Variants in INPP5F observed in about 807,000 individuals in gnomAD.
The protein encoded by INPP5F is inositol polyphosphate-5-phosphatase F, also known as phosphatidylinositide 4-phosphatase SAC2.
A neutral mutation model predicts 137.2 loss-of-function variants in INPP5F; 97 were observed. The observed-to-expected ratio is 0.71, with a 90% CI of 0.60 to 0.84. The LOEUF (loss-of-function observed/expected upper bound fraction) is 0.84, where lower values mean the gene tolerates loss of function less well. INPP5F is among the 40% of genes least tolerant of loss of function. The probability of loss-of-function intolerance (pLI) is 0.00; values close to 1 mark genes in which losing one functional copy is unlikely to be tolerated. For missense variants in INPP5F, 1,271 were observed against 1,371.9 expected (o/e 0.93, Z 1.16); for synonymous variants, 504 against 476.9 (o/e 1.06, Z -0.74).
chr10:119,787,928 G>T lies in INPP5F; in HGVS notation c.316-3589G>T, dbSNP rs775754710. On this transcript the variant is annotated intron_variant, in intron 3 of 19. Coordinates refer to ENST00000650623, the MANE Select transcript of INPP5F (RefSeq NM_014937.4). The surrounding 1 kb of genome is among the most constrained non-coding windows in gnomAD (Gnocchi z 4.1). The stretch of plus-strand genomic sequence containing the variant: ...CTGTTAGAGTGTCTGCACTGAGTTG[G>T]ATAATCCTGCATAGAACATCTCCTG... Among the ~76,000 whole-genome samples the T allele has an allele frequency of 5.3e-5, 8 of 152,144 alleles. No homozygotes were observed. Among genetic ancestry groups the T allele is most frequent in the Non-Finnish European group, 1.0e-4 (7 of 68,026 alleles).
At chr10:119,742,725 G>T (rs1848411981) in intron 1 of INPP5F, among the ~76,000 whole-genome samples, 1 of 152,190 alleles carries the variant, frequency 6.6e-6, no homozygotes. Context: ...TGGTGCGGTA[G>T]CTCACGCCTG....
At chr10:119,825,113 G>A (rs930693455) in intron 19 of INPP5F, among the ~76,000 whole-genome samples, 11 of 152,126 alleles carry the variant, frequency 7.2e-5, no homozygotes, top group East Asian at 1.9e-4. Context: ...ACTGAATAAC[G>A]CACTCAGACC....
chr10:119,739,551 T>C (rs1042329646), intron 1 of INPP5F, among the ~76,000 whole-genome samples: 1 of 152,192 alleles, frequency 6.6e-6, no homozygotes, highest in African/African-American at 2.4e-5. Flanking sequence ...GGACTGCAGG[T>C]ATGTAGTGGT....
chr10:119,812,056 G>A, intron 15 of INPP5F, 101 bp downstream of exon 15: 2 of 894,992 alleles, frequency 2.2e-6, no homozygotes, highest in South Asian at 1.5e-5. Context: ...GGGCATGGAT[G>A]CATGGCGCGT....
intron 1 of INPP5F, among the ~76,000 whole-genome samples, chr10:119,729,182 G>A (rs1847978814): frequency 6.6e-6 from 1 of 152,132 alleles, no homozygotes; most frequent in South Asian, 2.1e-4. Flanking sequence ...GTCTTGCTCT[G>A]TTGCCCAGGC....
intron 15 of INPP5F, among the ~76,000 whole-genome samples, chr10:119,813,434 T>G (rs566283456): frequency 6.6e-6 from 1 of 152,000 alleles, no homozygotes; most frequent in African/African-American, 2.4e-5. Context: ...ATCATTTGAG[T>G]CCAGGAGTTT....
At chr10:119,757,718 G>A (rs1848890216) in intron 2 of INPP5F, among the ~76,000 whole-genome samples, 1 of 152,108 alleles carries the variant, frequency 6.6e-6, no homozygotes, top group South Asian at 2.1e-4. Context: ...TTGAACCCGG[G>A]AGGTGGATGC....
intron 3 of INPP5F, among the ~76,000 whole-genome samples, chr10:119,785,379 G>A (rs1422363303): frequency 6.9e-6 from 1 of 145,850 alleles, no homozygotes; most frequent in African/African-American, 2.5e-5. Context: ...TCCGCCTCCC[G>A]GGTTCAAACG....
At chr10:119,759,878 C>T (rs1036501375) in intron 2 of INPP5F, among the ~76,000 whole-genome samples, 1 of 152,110 alleles carries the variant, frequency 6.6e-6, no homozygotes, top group Non-Finnish European at 1.5e-5. Context: ...CTGAGTGCTT[C>T]GTCCTTCTCT....
intron 1 of INPP5F, among the ~76,000 whole-genome samples, chr10:119,738,173 A>G (rs1848269170): frequency 6.6e-6 from 1 of 152,254 alleles, no homozygotes; most frequent in Non-Finnish European, 1.5e-5. Context: ...AGCTTATTGC[A>G]AATACTTATG....
At chr10:119,781,550 A>G (rs970493286) in intron 2 of INPP5F, 85 bp from the exon 3 acceptor site, 10 of 1,162,132 alleles carry the variant, frequency 8.6e-6, no homozygotes, top group Non-Finnish European at 1.2e-5. Context: ...TTTTTTTGTT[A>G]TCATTGTTAG....
In INPP5F at chr10:119,827,233, G is replaced by A. The variant is rs762146654; in HGVS notation, c.2852G>A (p.Gly951Asp). 30 of 1,613,946 alleles carry A rather than the reference G, an allele frequency of 1.9e-5. No homozygotes were observed. The highest frequency in any genetic ancestry group is 2.4e-5 in the Non-Finnish European group (28 of 1,180,028). ...GCTGGCGACGTACACATATTGACTG[G>A]CTTTGCCAAGCCTATGGATATTTAC... ...PSAGDVHILTGFAKPMDIYCH... is the reference protein window; with the variant it reads ...PSAGDVHILTDFAKPMDIYCH... The change falls in exon 20 of 20, where the codon GGC becomes GAC. Residue 951 changes from glycine (G) to aspartate (D), a missense_variant. Transcript: ENST00000650623.
At chr10:119,727,653 G>A (rs1222995518) in intron 1 of INPP5F, among the ~76,000 whole-genome samples, 1 of 152,168 alleles carries the variant, frequency 6.6e-6, no homozygotes, top group East Asian at 1.9e-4. Context: ...TTTTCCTCAG[G>A]CTCTGTCTAT....
Position 119,787,810 on chromosome 10 carries a change from A to G in INPP5F, c.316-3707A>G, listed in dbSNP as rs1264724684. On this transcript the variant is annotated intron_variant, in intron 3 of 19. Transcript: ENST00000650623. This position sits in a 1 kb window ranked among gnomAD's most constrained non-coding sequence, Gnocchi z 4.1. ...ATTTGGCCCCTACACAGTAAAGAGGACTAACAGGGCTTCATGGGAGATGGG... is the reference window on the plus strand; with the variant it reads ...ATTTGGCCCCTACACAGTAAAGAGGGCTAACAGGGCTTCATGGGAGATGGG... Among the ~76,000 whole-genome samples, 1 of 152,114 alleles carries G rather than the reference A, an allele frequency of 6.6e-6. No individual in the cohort carries two copies. Among genetic ancestry groups the G allele is most frequent in the Non-Finnish European group, 1.5e-5 (1 of 68,020 alleles).
chr10:119,826,164 T>G (rs903100422), intron 19 of INPP5F: 2 of 396,658 alleles, frequency 5.0e-6, no homozygotes, highest in Non-Finnish European at 8.9e-6. Context: ...CTTTGCTGAT[T>G]GTACAGATGG....
intron 2 of INPP5F, among the ~76,000 whole-genome samples, chr10:119,776,982 C>T (rs1406781424): frequency 6.6e-6 from 1 of 152,084 alleles, no homozygotes; most frequent in Non-Finnish European, 1.5e-5. Flanking sequence ...AACTTCTGGG[C>T]TTAAGCGATC....
At chr10:119,726,936 A>G (rs1847912899) in intron 1 of INPP5F, among the ~76,000 whole-genome samples, 2 of 149,636 alleles carry the variant, frequency 1.3e-5, no homozygotes, top group African/African-American at 4.8e-5. Context: ...GCACAATTAA[A>G]TTGTATTGTA....
intron 1 of INPP5F, among the ~76,000 whole-genome samples, chr10:119,729,603 G>T (rs1003933201): frequency 1.3e-5 from 2 of 149,604 alleles, no homozygotes; most frequent in African/African-American, 2.5e-5. Flanking sequence ...CTGAGACAGG[G>T]TCTTGCTCTG....
intron 3 of INPP5F, among the ~76,000 whole-genome samples, chr10:119,785,331 GC>G (rs1257118531): frequency 7.5e-6 from 1 of 134,078 alleles, no homozygotes; most frequent in East Asian, 2.2e-4. Context: ...TGTCGCCCAG[GC>G]TGGAGTGCAG....
Sources: allele counts gnomAD v4.1 joint callset (sites outside exome capture counted in the v4.1 genomes callset), GRCh38; gene constraint gnomAD v4.1.1; non-coding constraint Gnocchi (gnomAD v3.1); transcripts MANE v1.5; gene names NCBI Gene and HGNC (gene_info 2026-07-23, HGNC 2026-07-21).